Variants in TDRD7 observed in about 807,000 individuals in gnomAD.
The protein encoded by TDRD7 is tudor domain-containing protein 7.
In TDRD7, 47 loss-of-function variants were observed where a neutral mutation model predicts 109.8. The observed-to-expected ratio is 0.43, with a 90% confidence interval of 0.34 to 0.55. TDRD7 has a LOEUF of 0.55. Ranked by LOEUF, TDRD7 falls within the 20% of genes least tolerant of loss-of-function variation. TDRD7 has a pLI of 0.03. For synonymous variants in TDRD7, 424 were observed against 457.3 expected (o/e 0.93, Z 0.93); for missense variants, 1,164 against 1,319.2 (o/e 0.88, Z 1.82).
In TDRD7 at chr9:97,424,049, CTTTTTTTTTTTT is replaced by C. The variant is rs56369544; in HGVS notation, c.-6-4398_-6-4387del. On this transcript the variant is annotated intron_variant, in intron 1 of 16. Coordinates refer to ENST00000355295, the MANE Select transcript of TDRD7 (RefSeq NM_014290.3). ...TGATAGTGTTTAGATCTTTTATATT[CTTTTTTTTTTTT>C]TTTTTTTTTTTTGAGATGGAGTCAC... Among the ~76,000 whole-genome samples the C allele has an allele frequency of 6.1e-5, 3 of 48,862 alleles. No individual in the cohort carries two copies. The East Asian group carries it at 2.1e-3, about 33-fold the overall frequency. 32.1% of individuals were successfully genotyped at this position (48,862 alleles called of 152,430 possible). A position where few individuals can be genotyped will look rare whatever the true frequency, so the allele number is the denominator to read the frequency against.
intron 14 of TDRD7, among the ~76,000 whole-genome samples, chr9:97,482,339 G>A (rs1829129643): frequency 6.6e-6 from 1 of 152,188 alleles, no homozygotes; most frequent in Non-Finnish European, 1.5e-5. Flanking sequence ...AAAGAGGGGT[G>A]CTTACAGATA....
intron 9 of TDRD7, among the ~76,000 whole-genome samples, chr9:97,470,925 G>A (rs146110057): frequency 6.6e-6 from 1 of 152,068 alleles, no homozygotes; most frequent in African/African-American, 2.4e-5. Flanking sequence ...GATTTTTCTT[G>A]TTCTAACTGC....
rs1351717829 is a variant in TDRD7 at position 97,480,875 on chromosome 9, G to T, written c.2349G>T (p.Trp783Cys). 1 of 1,614,146 alleles carries T rather than the reference G, an allele frequency of 6.2e-7. No homozygotes were observed. The highest frequency in any genetic ancestry group is 1.7e-5 in the Admixed American group (1 of 60,026). Residue 783 changes from tryptophan (W) to cysteine (C), a missense_variant, in exon 14 of 17, where the codon TGG (tryptophan) becomes TGT (cysteine). Trp to Cys is a radical substitution (Grantham distance 215). Transcript: ENST00000355295. ...ATCTTCCACAATCTATTGGCATGTG[G>T]ACACCAGATGCAGTGCTGTGGTTAA... The part of the protein sequence containing the change: ...LADLPQSIGM[W>C]TPDAVLWLRD...
intron 6 of TDRD7, among the ~76,000 whole-genome samples, chr9:97,448,807 G>A (rs1828442002): frequency 6.6e-6 from 1 of 152,178 alleles, no homozygotes; most frequent in Non-Finnish European, 1.5e-5. Flanking sequence ...CTACTACCCT[G>A]TGGAAACAAA....
intron 3 of TDRD7, among the ~76,000 whole-genome samples, chr9:97,431,720 G>A (rs747562599): frequency 8.5e-5 from 13 of 152,216 alleles, no homozygotes; most frequent in Admixed American, 2.0e-4. Context: ...GGGAAGAGAC[G>A]GGAGGACCAA....
chr9:97,456,374 C>G (rs1272933013), intron 6 of TDRD7, among the ~76,000 whole-genome samples: 2 of 152,086 alleles, frequency 1.3e-5, no homozygotes, highest in East Asian at 1.9e-4. Context: ...CAAGACAATC[C>G]TAGCAAAAAA....
At chr9:97,489,168 A>G (rs1314641462) in intron 16 of TDRD7, among the ~76,000 whole-genome samples, 1 of 152,218 alleles carries the variant, frequency 6.6e-6, no homozygotes, top group Admixed American at 6.5e-5. Flanking sequence ...TTGACTTATG[A>G]TGCTGTTGAG....
At chr9:97,429,847 T>A (rs988647658) in intron 2 of TDRD7, among the ~76,000 whole-genome samples, 3 of 152,242 alleles carry the variant, frequency 2.0e-5, no homozygotes, top group Non-Finnish European at 4.4e-5. Context: ...AATAGCTGAA[T>A]GAATTAATAA....
At position 97,412,665 on chromosome 9, in the gene TDRD7, C is replaced by A. The variant is rs948696269; in HGVS notation, c.-7+427C>A. Reference sequence around the variant, plus strand: ...CCGCCCCCAGCGAGGGATGTCCGCGCTCCCCTATTTGAACCCAAGTATTTT... The same window carrying A: ...CCGCCCCCAGCGAGGGATGTCCGCGATCCCCTATTTGAACCCAAGTATTTT... On this transcript the variant is annotated intron_variant, in intron 1 of 16. Coordinates refer to ENST00000355295, the MANE Select transcript of TDRD7 (RefSeq NM_014290.3). This position sits in a 1 kb window ranked among gnomAD's most constrained non-coding sequence, Gnocchi z 4.3. Among the ~76,000 whole-genome samples, 1 of 152,238 alleles carries A rather than the reference C, an allele frequency of 6.6e-6. No homozygotes were observed.
At position 97,441,861 on chromosome 9, in the gene TDRD7, C is replaced by T. The variant is rs1321238723; in HGVS notation, c.841C>T (p.Pro281Ser). 4 of 1,613,206 alleles carry T rather than the reference C, an allele frequency of 2.5e-6. No individual in the cohort carries two copies. Among genetic ancestry groups the T allele is most frequent in the African/African-American group, 2.7e-5 (2 of 74,840 alleles). Residue 281 changes from proline to serine, a missense_variant, in exon 6 of 17, where the codon CCT (proline) becomes TCT (serine). By Grantham distance (74) the Pro-to-Ser change is moderately conservative. Transcript: ENST00000355295. ...AATTTTACAACAGTTTGAACACTGG[C>T]CTCATATTTGCACGGTATGTTTTTC... ...QGILQQFEHW[P>S]HICTVEKPCS...
In TDRD7 at chr9:97,474,391, C is replaced by T. The variant is rs550357455; in HGVS notation, c.2079+765C>T. Among the ~76,000 whole-genome samples the T allele has an allele frequency of 8.5e-5, 13 of 152,182 alleles. No individual in the cohort carries two copies. In the South Asian group the frequency reaches 2.7e-3, roughly 32 times the overall value. On this transcript the variant is annotated intron_variant, in intron 11 of 16. Transcript: ENST00000355295. ...ACAAAGCACATCAGGCACCTCAGGGCATTCATATTCAGGTTTATATTTTAG... is the reference window on the plus strand; with the variant it reads ...ACAAAGCACATCAGGCACCTCAGGGTATTCATATTCAGGTTTATATTTTAG...
At chr9:97,457,680 A>G (rs190116467) in intron 6 of TDRD7, among the ~76,000 whole-genome samples, 276 of 152,292 alleles carry the variant, frequency 1.8e-3, no homozygotes, top group Non-Finnish European at 3.4e-3. Flanking sequence ...ACCCGGCCAC[A>G]CACGTATGTT....
At chr9:97,451,873 G>A (rs577408518) in intron 6 of TDRD7, among the ~76,000 whole-genome samples, 80 of 152,174 alleles carry the variant, frequency 5.3e-4, no homozygotes, top group Non-Finnish European at 9.7e-4. Flanking sequence ...ACTGAAGTGG[G>A]GAGACCCCCC....
intron 8 of TDRD7, among the ~76,000 whole-genome samples, chr9:97,466,947 T>A (rs1322164621): frequency 6.6e-6 from 1 of 152,216 alleles, no homozygotes; most frequent in Admixed American, 6.5e-5. Context: ...GTGTAAATTA[T>A]ACTTGGATAA....
At chr9:97,413,847 T>C (rs1827765988) in intron 1 of TDRD7, among the ~76,000 whole-genome samples, 1 of 152,214 alleles carries the variant, frequency 6.6e-6, no homozygotes, top group Admixed American at 6.5e-5. Flanking sequence ...TGTAATCCCC[T>C]GCTAATGCCC....
intron 6 of TDRD7, among the ~76,000 whole-genome samples, chr9:97,447,582 T>G (rs1328753473): frequency 6.6e-6 from 1 of 151,970 alleles, no homozygotes; most frequent in Non-Finnish European, 1.5e-5. Flanking sequence ...AACTTTAACT[T>G]GAAAAGAAAT....
Position 97,475,502 on chromosome 9 carries a change from A to G in TDRD7, c.2166+33A>G, listed in dbSNP as rs1829002803. On this transcript the variant is annotated intron_variant, in intron 12 of 16. Transcript: ENST00000355295. ...TCAGTCACTTGGCTTTTTAATCTTA[A>G]CTTATTGTGAAATATTTCAAATATA... is the stretch of plus-strand genomic sequence containing the variant. The G allele has an allele frequency of 4.8e-6, 7 of 1,455,836 alleles. No homozygotes were observed. The South Asian group carries it at 5.8e-5, about 12-fold the overall frequency. 90.2% of individuals were successfully genotyped at this position (1,455,836 alleles called of 1,614,324 possible). A position where few individuals can be genotyped will look rare whatever the true frequency, so the allele number is the denominator to read the frequency against.
chr9:97,440,216 A>G (rs1225650076), intron 5 of TDRD7, among the ~76,000 whole-genome samples: 1 of 152,340 alleles, frequency 6.6e-6, no homozygotes, highest in African/African-American at 2.4e-5. Flanking sequence ...CTTCTACAGA[A>G]ACAAGAGGAC....
At chr9:97,426,632 T>G (rs1423197262) in intron 1 of TDRD7, among the ~76,000 whole-genome samples, 1 of 152,196 alleles carries the variant, frequency 6.6e-6, no homozygotes, top group Non-Finnish European at 1.5e-5. Context: ...AAGGCCAGGA[T>G]TATCAAGATA....
Sources: gnomAD v4.1 joint callset for allele counts (sites outside exome capture counted in the v4.1 genomes callset) on GRCh38, gnomAD v4.1.1 for gene constraint, Gnocchi (gnomAD v3.1) non-coding constraint, MANE v1.5 for transcripts, NCBI Gene and HGNC (gene_info 2026-07-23, HGNC 2026-07-21) for gene names.